Variants in ADGRG1 observed in about 807,000 individuals in gnomAD.
ADGRG1 encodes the protein 7-transmembrane protein with no EGF-like N-terminal domains-1.
A neutral mutation model predicts 73.5 loss-of-function variants in ADGRG1; 53 were observed. The observed-to-expected ratio is 0.72, with a 90% confidence interval of 0.58 to 0.91. ADGRG1 has a LOEUF of 0.91. Among genes scored for constraint, ADGRG1 ranks in the 40% least tolerant of loss-of-function variants. ADGRG1 has a pLI of 0.00. For synonymous variants in ADGRG1, 394 were observed against 374.4 expected, an observed-to-expected ratio of 1.05 and a Z score of -0.60; for missense variants, 795 against 871.8, an observed-to-expected ratio of 0.91 and a Z score of 1.11.
chr16:57,653,010 C>T (rs1418066602), intron 3 of ADGRG1, 193 bp from the exon 4 acceptor site: 2 of 1,449,084 alleles, frequency 1.4e-6, no homozygotes, highest in African/African-American at 1.4e-5. Flanking sequence ...TTCTGTAAGA[C>T]ACAACCCCCA....
chr16:57,660,950 G>A, intron 12 of ADGRG1, 74 bp downstream of exon 12: 1 of 899,816 alleles, frequency 1.1e-6, no homozygotes, highest in Non-Finnish European at 1.8e-6. Context: ...CCCGGGCCCA[G>A]GTCATGCTGG....
At chr16:57,628,055 G>T, upstream of ADGRG1, 1 of 910,234 alleles carries the variant, frequency 1.1e-6, no homozygotes, top group Non-Finnish European at 1.3e-6. Context: ...TGAGAGGGGA[G>T]ACGGGTCACC....
chr16:57,627,538 T>C (rs758421544), upstream of ADGRG1, among the ~76,000 whole-genome samples: 4 of 152,228 alleles, frequency 2.6e-5, no homozygotes, highest in Non-Finnish European at 5.9e-5. Context: ...GGAGTATTTA[T>C]TGAGGGCTTG....
intron 5 of ADGRG1, among the ~76,000 whole-genome samples, chr16:57,654,421 C>CCCCTT (rs2045034484): frequency 8.8e-6 from 1 of 114,068 alleles, no homozygotes; most frequent in African/African-American, 3.3e-5. Flanking sequence ...CCCCCCCCCC[C>CCCCTT]GTTTTTTTTT....
chr16:57,662,000 G>T, intron 13 of ADGRG1, 35 bp downstream of exon 13: 2 of 1,551,412 alleles, frequency 1.3e-6, no homozygotes, highest in Non-Finnish European at 1.8e-6. Flanking sequence ...CCCAGGCAGG[G>T]TGTCTACACA....
At chr16:57,643,972 G>C (rs2041545046) in intron 1 of ADGRG1, 1 of 984,558 alleles carries the variant, frequency 1.0e-6, no homozygotes. Flanking sequence ...TTGAGCTGTT[G>C]GGTACATGCT....
chr16:57,628,238 G>A (rs1330116991), upstream of ADGRG1: 2 of 918,644 alleles, frequency 2.2e-6, no homozygotes, highest in Non-Finnish European at 2.6e-6. Flanking sequence ...TTGTCGCCCT[G>A]ACCTGGGGGG....
chr16:57,646,888 C>A, intron 1 of ADGRG1: 1 of 979,488 alleles, frequency 1.0e-6, no homozygotes, highest in Non-Finnish European at 1.2e-6. Flanking sequence ...CCCTGCTCAG[C>A]CACTCCCTCT....
Position 57,634,171 on chromosome 16 carries a change from G to C in ADGRG1, c.-36+5369G>C. 7.1e-6 allele frequency: 7 copies of C among 985,420 alleles called. No individual in the cohort carries two copies. In the South Asian group the frequency reaches 3.3e-4, roughly 46 times the overall value. 61.0% of individuals were successfully genotyped at this position (985,420 alleles called of 1,614,324 possible). On this transcript the variant is annotated intron_variant, in intron 1 of 13. Coordinates refer to ENST00000562631, the MANE Select transcript of ADGRG1 (RefSeq NM_201525.4). ...GTTCACCCTAGGCCCCTGGGAGCTA[G>C]GCTGAGCAGCTGACCCCTTCTGGGT...
intron 7 of ADGRG1, 42 bp from the exon 8 acceptor site, chr16:57,656,184 G>T (rs745554226): frequency 1.9e-6 from 3 of 1,613,550 alleles, no homozygotes; most frequent in Admixed American, 1.7e-5. Flanking sequence ...TGGAGGGGTG[G>T]GGGGCTGTCA....
chr16:57,657,677 G>A (rs1458657526), intron 10 of ADGRG1, among the ~76,000 whole-genome samples, 186 bp downstream of exon 10: 1 of 152,178 alleles, frequency 6.6e-6, no homozygotes, highest in Non-Finnish European at 1.5e-5. Flanking sequence ...AGTGGTGTTT[G>A]GATAACATAG....
At chr16:57,655,800 G>T in intron 6 of ADGRG1, 76 bp from the exon 7 acceptor site, 1 of 1,613,566 alleles carries the variant, frequency 6.2e-7, no homozygotes, top group Non-Finnish European at 8.5e-7. Context: ...ATCTAGAGAG[G>T]GTAAGGGGCT....
chr16:57,657,082 C>T (rs2045913305), intron 9 of ADGRG1, among the ~76,000 whole-genome samples: 1 of 152,196 alleles, frequency 6.6e-6, no homozygotes, highest in South Asian at 2.1e-4. Context: ...AAACCTATTC[C>T]CATGTTAAAT....
chr16:57,664,147 A>ACATCTGAGCCCAGGCCCCCTC lies in ADGRG1; in HGVS notation c.*566_*567insATCTGAGCCCAGGCCCCCTCC. On this transcript the variant is annotated 3_prime_UTR_variant, in exon 14 of 14. Transcript: ENST00000562631. ...CCAGGAGCACAGCAGCAGCTCGCCT[A>ACATCTGAGCCCAGGCCCCCTC]CCTCTGAGCCCAGGCCCCCTCCCTC... 6.4e-6 allele frequency: 1 copy of ACATCTGAGCCCAGGCCCCCTC among 156,270 alleles called. No homozygotes were observed. Among genetic ancestry groups the ACATCTGAGCCCAGGCCCCCTC allele is most frequent in the Non-Finnish European group, 1.4e-5 (1 of 70,806 alleles). 9.7% of individuals were successfully genotyped at this position (156,270 alleles called of 1,614,324 possible). A position where few individuals can be genotyped will look rare whatever the true frequency, so the allele number is the denominator to read the frequency against.
Position 57,628,897 on chromosome 16 carries a change from TGTGA to T in ADGRG1, c.-36+99_-36+102del, listed in dbSNP as rs1416889181. 34 of 855,108 alleles carry T rather than the reference TGTGA, an allele frequency of 4.0e-5. 1 individual carries two copies. The African/African-American group carries it at 7.0e-4, about 18-fold the overall frequency. The allele number at this position is 855,108 out of a possible 1,614,324, so 53.0% of individuals were successfully genotyped here. On this transcript the variant is annotated intron_variant, in intron 1 of 13. Transcript: ENST00000562631. ...GCGTGAGTGTGTGAGAGTGTGAGTG[TGTGA>T]GTGTGAGTGTGTGAGAGTGAGTGTG...
intron 1 of ADGRG1, chr16:57,631,645 G>C (rs2147306610): frequency 1.0e-6 from 1 of 985,498 alleles, no homozygotes; most frequent in African/African-American, 1.7e-5. Flanking sequence ...AAACCCAGCA[G>C]TCAGGGGTGA....
At chr16:57,656,664 C>G in intron 9 of ADGRG1, 47 bp downstream of exon 9, 1 of 1,141,110 alleles carries the variant, frequency 8.8e-7, no homozygotes, top group Non-Finnish European at 1.3e-6. Context: ...AGGCCGTGTG[C>G]TTGTTCTGTG....
intron 11 of ADGRG1, chr16:57,660,238 C>T (rs1490137234): frequency 4.1e-6 from 4 of 985,208 alleles, no homozygotes; most frequent in Non-Finnish European, 4.8e-6. Context: ...GCCCCTGACT[C>T]CAGCTTGCTG....
At chr16:57,639,905 G>C (rs986728583) in intron 1 of ADGRG1, 2 of 962,222 alleles carry the variant, frequency 2.1e-6, no homozygotes, top group Non-Finnish European at 2.5e-6. Flanking sequence ...ACCCTGGGGG[G>C]GTCAGATGGT....
Sources: gnomAD v4.1 joint callset for allele counts (sites outside exome capture counted in the v4.1 genomes callset) on GRCh38, gnomAD v4.1.1 for gene constraint, MANE v1.5 for transcripts, NCBI Gene and HGNC (gene_info 2026-07-23, HGNC 2026-07-21) for gene names.